The following PPTC7 variants were observed in gnomAD, a reference collection of about 807,000 sequenced individuals.
PPTC7 encodes the protein protein phosphatase targeting COQ7, also known as protein phosphatase PTC7 homolog.
Under a neutral mutation model 30.8 loss-of-function variants are expected in PPTC7, and 6 were observed. The observed-to-expected ratio is 0.19, with a 90% CI of 0.11 to 0.38. PPTC7 has a LOEUF of 0.38. PPTC7 is among the 10% of genes least tolerant of loss of function. PPTC7 has a pLI of 1.00. For missense variants in PPTC7, 218 were observed against 404.8 expected (o/e 0.54, Z 3.96); for synonymous variants, 163 against 168.1 (o/e 0.97, Z 0.23).
intron 1 of PPTC7, among the ~76,000 whole-genome samples, chr12:110,579,400 C>T (rs73191849): frequency 0.037 from 5,569 of 152,264 alleles, 139 homozygotes; most frequent in Middle Eastern, 0.061. Context: ...CTAACAACCA[C>T]CTTTTGGTCA....
chr12:110,535,862 G>A lies in PPTC7; in HGVS notation c.*1175C>T, dbSNP rs2064214388. The A allele has an allele frequency of 1.3e-5, 2 of 152,596 alleles. No homozygotes were observed. The highest frequency in any genetic ancestry group is 2.9e-5 in the Non-Finnish European group (2 of 68,032). 9.5% of individuals were successfully genotyped at this position (152,596 alleles called of 1,614,324 possible). ...GTAAGGAAACTATACACTGCAAAAT[G>A]GCTATTTGGAAACTGTAAACATTAA... On this transcript the variant is annotated 3_prime_UTR_variant, in exon 6 of 6. Coordinates refer to ENST00000354300, the MANE Select transcript of PPTC7 (RefSeq NM_139283.2).
intron 1 of PPTC7, among the ~76,000 whole-genome samples, chr12:110,578,469 T>A (rs961599629): frequency 3.9e-5 from 6 of 152,152 alleles, no homozygotes; most frequent in African/African-American, 9.7e-5. Flanking sequence ...ACACCCAACA[T>A]AGTCAGTTTT....
intron 1 of PPTC7, among the ~76,000 whole-genome samples, chr12:110,570,331 C>T (rs562244883): frequency 4.4e-5 from 4 of 91,444 alleles, no homozygotes; most frequent in African/African-American, 1.6e-4. Context: ...ACAAAAACTG[C>T]GGAAGGCCGC....
intron 5 of PPTC7, among the ~76,000 whole-genome samples, chr12:110,537,423 T>A (rs1234762660): frequency 2.0e-5 from 3 of 152,146 alleles, no homozygotes; most frequent in African/African-American, 4.8e-5. Context: ...ATACCCACAA[T>A]CCTAATTTAG....
intron 1 of PPTC7, among the ~76,000 whole-genome samples, chr12:110,574,663 C>T (rs968078507): frequency 6.6e-6 from 1 of 152,148 alleles, no homozygotes; most frequent in African/African-American, 2.4e-5. Flanking sequence ...TAGCCTAATG[C>T]CCTCTGCAAT....
rs374483352 is a variant in PPTC7, at chr12:110,551,646, G to T, written c.403+143C>A. On this transcript the variant is annotated intron_variant, in intron 2 of 5. Coordinates refer to ENST00000354300, the MANE Select transcript of PPTC7 (RefSeq NM_139283.2). ...ACAGGCGTGAGCCACTGCGCCCAGC[G>T]GTTAGCCTATAGTTTCTCTATCACA... The T allele has an allele frequency of 9.4e-6, 7 of 745,260 alleles. No individual in the cohort carries two copies. The South Asian group carries it at 1.4e-4, about 15-fold the overall frequency. The allele number at this position is 745,260 out of a possible 1,614,324, so 46.2% of individuals were successfully genotyped here. A position where few individuals can be genotyped will look rare whatever the true frequency, so the allele number is the denominator to read the frequency against.
chr12:110,550,010 T>C (rs1389784809), intron 2 of PPTC7, among the ~76,000 whole-genome samples: 3 of 152,122 alleles, frequency 2.0e-5, no homozygotes, highest in African/African-American at 4.8e-5. Flanking sequence ...AAGCTCCAGA[T>C]TGCATGTCCA....
At chr12:110,567,980 T>C (rs2064499225) in intron 1 of PPTC7, among the ~76,000 whole-genome samples, 1 of 139,798 alleles carries the variant, frequency 7.2e-6, no homozygotes, top group Admixed American at 7.4e-5. Context: ...TACAGCTTCC[T>C]CCCCACCCAC....
At chr12:110,545,736 T>A in intron 3 of PPTC7, 144 bp downstream of exon 3, 1 of 702,012 alleles carries the variant, frequency 1.4e-6, no homozygotes, top group Non-Finnish European at 2.4e-6. Flanking sequence ...CTTTCAAAGT[T>A]AAACTAAAAG....
At chr12:110,572,627 T>G (rs1173981340) in intron 1 of PPTC7, among the ~76,000 whole-genome samples, 1 of 152,220 alleles carries the variant, frequency 6.6e-6, no homozygotes, top group Non-Finnish European at 1.5e-5. Flanking sequence ...AAAGTCACTT[T>G]CGTAGTCTCT....
At chr12:110,579,178 G>A (rs1011700892) in intron 1 of PPTC7, among the ~76,000 whole-genome samples, 2 of 151,654 alleles carry the variant, frequency 1.3e-5, no homozygotes, top group Non-Finnish European at 1.5e-5. Flanking sequence ...CACCTTTTAC[G>A]GTATCAACTA....
intron 1 of PPTC7, among the ~76,000 whole-genome samples, chr12:110,567,710 G>A (rs1156972213): frequency 2.0e-5 from 3 of 152,064 alleles, no homozygotes; most frequent in Admixed American, 6.6e-5. Flanking sequence ...CCTCTGTATC[G>A]ATTTGTTTTT....
chr12:110,570,139 C>T (rs879353264), intron 1 of PPTC7, among the ~76,000 whole-genome samples: 23 of 151,272 alleles, frequency 1.5e-4, no homozygotes, highest in Non-Finnish European at 2.5e-4. Context: ...AATTCTTCTG[C>T]CTTGAGATTC....
At chr12:110,537,471 T>C (rs1158055070) in intron 5 of PPTC7, among the ~76,000 whole-genome samples, 5 of 152,226 alleles carry the variant, frequency 3.3e-5, no homozygotes, top group Non-Finnish European at 7.3e-5. Flanking sequence ...GGAATAGCCT[T>C]GTATTCTAAT....
At chr12:110,576,904 C>T (rs180956672) in intron 1 of PPTC7, among the ~76,000 whole-genome samples, 245 of 152,290 alleles carry the variant, frequency 1.6e-3, no homozygotes, top group Non-Finnish European at 3.0e-3. Context: ...ACGTGGTTCA[C>T]GCCTGTAATC....
At chr12:110,561,839 G>A (rs1022825573) in intron 1 of PPTC7, among the ~76,000 whole-genome samples, 1 of 151,966 alleles carries the variant, frequency 6.6e-6, no homozygotes, top group African/African-American at 2.4e-5. Context: ...CACACCTGTG[G>A]TCCGAGCTGC....
At chr12:110,561,883 C>T (rs1021935521) in intron 1 of PPTC7, among the ~76,000 whole-genome samples, 10 of 151,848 alleles carry the variant, frequency 6.6e-5, no homozygotes, top group African/African-American at 2.4e-4. Flanking sequence ...CACTTGAGCC[C>T]GGGAGCTGTG....
chr12:110,575,856 T>A (rs907536797), intron 1 of PPTC7, among the ~76,000 whole-genome samples: 2 of 152,120 alleles, frequency 1.3e-5, no homozygotes, highest in Non-Finnish European at 2.9e-5. Context: ...GAAAAGTAGC[T>A]CTGAAGCTAT....
intron 2 of PPTC7, 134 bp from the exon 3 acceptor site, chr12:110,546,212 T>C (rs2064304717): frequency 1.5e-6 from 1 of 673,188 alleles, no homozygotes; most frequent in Non-Finnish European, 2.6e-6. Flanking sequence ...TTCTTAGTTA[T>C]GCTCCACATC....
Sources: allele counts gnomAD v4.1 joint callset (sites outside exome capture counted in the v4.1 genomes callset), GRCh38; gene constraint gnomAD v4.1.1; transcripts MANE v1.5; gene names NCBI Gene and HGNC (gene_info 2026-07-23, HGNC 2026-07-21).